CLYBL: variants seen among roughly 807,000 people sequenced by gnomAD.
CLYBL encodes citramalyl-CoA lyase, also known as citramalyl-CoA lyase, mitochondrial.
In CLYBL, 31 loss-of-function variants were observed where a neutral mutation model predicts 38.9. That is an observed-to-expected ratio of 0.80 (90% CI 0.60 to 1.08). CLYBL has a LOEUF of 1.08. Ranked by LOEUF, CLYBL falls within the 50% of genes least tolerant of loss-of-function variation. The pLI is 0.00. For synonymous variants in CLYBL, 171 were observed against 158.6 expected (o/e 1.08, Z -0.59); for missense variants, 434 against 411.6 (o/e 1.05, Z -0.47).
chr13:99,758,684 C>T (rs548575650), intron 1 of CLYBL, among the ~76,000 whole-genome samples: 1 of 152,294 alleles, frequency 6.6e-6, no homozygotes, highest in East Asian at 1.9e-4. Context: ...TGCCACCTGC[C>T]CAGTGACAGC....
At chr13:99,908,181 C>T (rs960404216) in exon 10 of CLYBL, among the ~76,000 whole-genome samples, 12 of 152,094 alleles carry the variant, frequency 7.9e-5, no homozygotes, top group African/African-American at 2.2e-4. Context: ...TGTAGAGAAG[C>T]GGCAGAAACA....
chr13:99,639,553 C>T (rs920519464), intron 1 of CLYBL, among the ~76,000 whole-genome samples: 3 of 152,100 alleles, frequency 2.0e-5, no homozygotes, highest in Non-Finnish European at 4.4e-5. Flanking sequence ...TTAAGATAAA[C>T]ATAAAACTCA....
intron 7 of CLYBL, chr13:99,877,594 TAAGACAGTG>T: frequency 6.2e-6 from 2 of 322,870 alleles, no homozygotes; most frequent in Non-Finnish European, 1.1e-5. Context: ...TTTTTTTTTT[TAAGACAGTG>T]TCTTGCTCTG....
chr13:99,887,162 G>A (rs1303927597), intron 7 of CLYBL, among the ~76,000 whole-genome samples: 2 of 152,196 alleles, frequency 1.3e-5, no homozygotes, highest in African/African-American at 4.8e-5. Context: ...AGAATCACCA[G>A]AGGAGTCCTA....
intron 2 of CLYBL, among the ~76,000 whole-genome samples, chr13:99,785,191 CTTTTTTT>C (rs58550861): frequency 5.6e-4 from 19 of 34,204 alleles, no homozygotes; most frequent in Middle Eastern, 0.026. Context: ...CCCCGCCTGG[CTTTTTTT>C]TTTTTTTTTT....
At chr13:99,649,217 A>G (rs1368262119) in intron 1 of CLYBL, among the ~76,000 whole-genome samples, 1 of 152,198 alleles carries the variant, frequency 6.6e-6, no homozygotes, top group Non-Finnish European at 1.5e-5. Context: ...TGGGTTTTAA[A>G]AAACATAATT....
chr13:99,772,872 A>T lies in CLYBL; in HGVS notation c.111A>T (p.Ser37=). ...TCCCCAGACTTGGATATAGTTCCTC[A>T]TCCCATCACAAGTACATCCCCCGGA... ...ADIPRLGYSS[S]SHHKYIPRRA... The change falls in exon 2 of 9, where the codon TCA becomes TCT. Residue 37 remains serine, a synonymous_variant. Transcript: ENST00000339105. 15 of 1,612,616 alleles carry T rather than the reference A, an allele frequency of 9.3e-6. No homozygotes were observed. The highest frequency in any genetic ancestry group is 1.2e-5 in the Non-Finnish European group (14 of 1,179,736).
intron 1 of CLYBL, among the ~76,000 whole-genome samples, chr13:99,672,944 C>T (rs1293472551): frequency 6.6e-6 from 1 of 152,084 alleles, no homozygotes; most frequent in African/African-American, 2.4e-5. Flanking sequence ...CATCCATGCG[C>T]CCAATGGGTA....
At chr13:99,657,633 T>TG (rs1289812792) in intron 1 of CLYBL, among the ~76,000 whole-genome samples, 11 of 1,634 alleles carry the variant, frequency 6.7e-3, no homozygotes, top group African/African-American at 0.031. Flanking sequence ...GAGGGGGAGA[T>TG]GGGGAAAAAA....
intron 1 of CLYBL, among the ~76,000 whole-genome samples, chr13:99,620,046 G>A (rs1400847530): frequency 3.9e-5 from 6 of 152,232 alleles, no homozygotes; most frequent in Non-Finnish European, 7.4e-5. Flanking sequence ...CAGAAGGGGC[G>A]GCACCCTCAT....
chr13:99,644,683 C>T (rs1445930914), intron 1 of CLYBL, among the ~76,000 whole-genome samples: 2 of 152,178 alleles, frequency 1.3e-5, no homozygotes, highest in African/African-American at 4.8e-5. Context: ...CCTTCCCAGC[C>T]CCTGATAACC....
chr13:99,613,390 G>A (rs1383006519), intron 1 of CLYBL, among the ~76,000 whole-genome samples: 1 of 152,194 alleles, frequency 6.6e-6, no homozygotes, highest in Non-Finnish European at 1.5e-5. Flanking sequence ...AGGGGACAGT[G>A]TGTGAGGAAG....
intron 1 of CLYBL, among the ~76,000 whole-genome samples, chr13:99,716,381 CTTTCT>C (rs56025538): frequency 7.2e-6 from 1 of 138,446 alleles, no homozygotes; most frequent in Non-Finnish European, 1.5e-5. Context: ...CTATATTTTT[CTTTCT>C]TTTCTTTTCT....
rs575121734 is a variant in CLYBL at position 99,881,279 on chromosome 13, T to C, written c.928-10039T>C. On this transcript the variant is annotated intron_variant, in intron 7 of 8. Transcript: ENST00000339105. ...TTAGCATCCGTAAATTATCTGGCAA[T>C]AGGAACGAATGGCTGCTGAATTTCA... 8.5e-5 allele frequency among the ~76,000 whole-genome samples: 13 copies of C among 152,332 alleles called. No homozygotes were observed. The East Asian group carries it at 2.3e-3, about 27-fold the overall frequency.
chr13:99,623,278 G>A (rs1444048245), intron 1 of CLYBL, among the ~76,000 whole-genome samples: 3 of 152,162 alleles, frequency 2.0e-5, no homozygotes, highest in Admixed American at 1.3e-4. Context: ...ATTTTCCATT[G>A]TTTTTATTGC....
intron 7 of CLYBL, among the ~76,000 whole-genome samples, chr13:99,887,966 G>T (rs745653033): frequency 6.6e-6 from 1 of 151,570 alleles, no homozygotes; most frequent in African/African-American, 2.4e-5. Flanking sequence ...AGCAATTCTC[G>T]TGCCTCAACC....
intron 3 of CLYBL, among the ~76,000 whole-genome samples, chr13:99,861,071 C>T (rs973824646): frequency 6.6e-6 from 1 of 152,148 alleles, no homozygotes; most frequent in African/African-American, 2.4e-5. Flanking sequence ...TGATTTCTCC[C>T]CCTTCTTCTC....
chr13:99,663,229 A>G (rs2047434362), intron 1 of CLYBL, among the ~76,000 whole-genome samples: 1 of 152,218 alleles, frequency 6.6e-6, no homozygotes, highest in South Asian at 2.1e-4. Context: ...TTGATTGAAC[A>G]GTGTCTGAAA....
In CLYBL at chr13:99,886,631, C is replaced by T. The variant is rs74823234; in HGVS notation, c.928-4687C>T. ...GTAACTGTCAAATAAAAGCCCATTG[C>T]GTCCGGAGTTCCACGGCAACGCGTG... On this transcript the variant is annotated intron_variant, in intron 7 of 8. Transcript: ENST00000339105. Among the ~76,000 whole-genome samples, 7 of 152,360 alleles carry T rather than the reference C, an allele frequency of 4.6e-5. No individual in the cohort carries two copies. In the South Asian group the frequency reaches 1.0e-3, roughly 23 times the overall value.
Sources: gnomAD v4.1 joint callset for allele counts (sites outside exome capture counted in the v4.1 genomes callset) on GRCh38, gnomAD v4.1.1 for gene constraint, MANE v1.5 for transcripts, NCBI Gene and HGNC (gene_info 2026-07-23, HGNC 2026-07-21) for gene names.